The following HACD4 variants were observed in gnomAD, a reference collection of about 807,000 sequenced individuals.
The protein encoded by HACD4 is very-long-chain (3R)-3-hydroxyacyl-CoA dehydratase 4.
A neutral mutation model predicts 33.3 loss-of-function variants in HACD4; 35 were observed. That is an observed-to-expected ratio of 1.05 (90% CI 0.80 to 1.39). The LOEUF is 1.39. HACD4 is among the 40% of genes most tolerant of loss of function. The pLI, the probability that HACD4 is intolerant of heterozygous loss-of-function variation, is 0.00. For synonymous variants in HACD4, 118 were observed against 98.0 expected (o/e 1.20, Z -1.21); for missense variants, 323 against 276.5 (o/e 1.17, Z -1.19).
At chr9:21,016,443 A>C (rs1312573784) in intron 3 of HACD4, among the ~76,000 whole-genome samples, 2 of 152,206 alleles carry the variant, frequency 1.3e-5, no homozygotes, top group Non-Finnish European at 2.9e-5. Flanking sequence ...GGTGAGCGAG[A>C]TACTTTCTGC....
chr9:21,009,589 C>A (rs1341496096), intron 5 of HACD4, among the ~76,000 whole-genome samples: 1 of 152,052 alleles, frequency 6.6e-6, no homozygotes, highest in African/African-American at 2.4e-5. Context: ...ATATGAAGCA[C>A]AATGTGATAT....
intron 5 of HACD4, among the ~76,000 whole-genome samples, chr9:21,008,480 T>C (rs1424366049): frequency 6.6e-6 from 1 of 152,120 alleles, no homozygotes; most frequent in Non-Finnish European, 1.5e-5. Context: ...ACTTGGAAAA[T>C]GGTGCATATA....
At chr9:21,012,910 T>C (rs947317481) in intron 4 of HACD4, among the ~76,000 whole-genome samples, 7 of 151,968 alleles carry the variant, frequency 4.6e-5, no homozygotes, top group African/African-American at 1.7e-4. Context: ...ACACTAAAAA[T>C]ACAAAAATTA....
chr9:21,006,747 C>A lies in HACD4; in HGVS notation c.*290G>T. ...AGCTAATCTCCTATTTCTCATTAAA[C>A]TTACAGGAAAATAATCAGACTTCAT... On this transcript the variant is annotated 3_prime_UTR_variant, in exon 7 of 7. Coordinates refer to ENST00000495827, the MANE Select transcript of HACD4 (RefSeq NM_001010915.5). The surrounding 1 kb of genome is among the most constrained non-coding windows in gnomAD (Gnocchi z 4.6). The A allele has an allele frequency of 3.2e-6, 1 of 313,542 alleles. No individual in the cohort carries two copies. The highest frequency in any genetic ancestry group is 5.9e-6 in the Non-Finnish European group (1 of 169,086). The allele number at this position is 313,542 out of a possible 1,614,324, so 19.4% of individuals were successfully genotyped here. A position where few individuals can be genotyped will look rare whatever the true frequency, so the allele number is the denominator to read the frequency against.
chr9:21,020,107 T>G (rs1587834380), intron 3 of HACD4, among the ~76,000 whole-genome samples: 1 of 152,136 alleles, frequency 6.6e-6, no homozygotes. Flanking sequence ...TTATGTGATT[T>G]GGGCTCATAA....
Position 21,006,623 on chromosome 9 carries a change from C to T in HACD4, c.*414G>A. 9.0e-6 allele frequency: 2 copies of T among 223,160 alleles called. No individual in the cohort carries two copies. Among genetic ancestry groups the T allele is most frequent in the Non-Finnish European group, 1.8e-5 (2 of 113,740 alleles). The allele number at this position is 223,160 out of a possible 1,614,324, so 13.8% of individuals were successfully genotyped here. ...CAACTGTGGAATATATTTTCCATCC[C>T]TCTTCTCCTACAGATCTATTTGGGA... On this transcript the variant is annotated 3_prime_UTR_variant, in exon 7 of 7. Coordinates refer to ENST00000495827, the MANE Select transcript of HACD4 (RefSeq NM_001010915.5). The surrounding 1 kb of genome is among the most constrained non-coding windows in gnomAD (Gnocchi z 4.6).
In HACD4 at chr9:21,023,734, C is replaced by G. The variant is rs1249850698; in HGVS notation, c.270+2862G>C. ...GGATCACAGGCACGCGCCACCACGT[C>G]CAGCTAATTTTTTTGTATTTTTAGT... On this transcript the variant is annotated intron_variant, in intron 3 of 6. Transcript: ENST00000495827. Among the ~76,000 whole-genome samples, 8 of 152,130 alleles carry G rather than the reference C, an allele frequency of 5.3e-5. No individual in the cohort carries two copies. In the East Asian group the frequency reaches 1.3e-3, roughly 26 times the overall value.
In HACD4 at chr9:21,020,589, C is replaced by A. The variant is rs528390696; in HGVS notation, c.271-4579G>T. Among the ~76,000 whole-genome samples the A allele has an allele frequency of 1.1e-4, 17 of 152,226 alleles. No homozygotes were observed. The East Asian group carries it at 2.3e-3, about 21-fold the overall frequency. On this transcript the variant is annotated intron_variant, in intron 3 of 6. Transcript: ENST00000495827. ...TAGTTTTCCAATTCAACATTTTTTT[C>A]TAAGCTAATAAAGTTTGCAAGCTCA... is the stretch of plus-strand genomic sequence containing the variant.
At chr9:21,024,184 T>C (rs370555038) in intron 3 of HACD4, among the ~76,000 whole-genome samples, 2 of 152,232 alleles carry the variant, frequency 1.3e-5, no homozygotes, top group South Asian at 2.1e-4. Context: ...ACCATTTCCA[T>C]TGTGGGAACC....
chr9:21,021,962 C>A (rs1587836290), intron 3 of HACD4, among the ~76,000 whole-genome samples: 2 of 152,218 alleles, frequency 1.3e-5, no homozygotes, highest in African/African-American at 4.8e-5. Flanking sequence ...AGGCATCACG[C>A]TACCTGACTT....
chr9:21,002,667 C>T lies in HACD4; in HGVS notation c.*4370G>A, dbSNP rs1056462392. 2.0e-5 allele frequency: 3 copies of T among 152,060 alleles called. No individual in the cohort carries two copies. The highest frequency in any genetic ancestry group is 7.2e-5 in the African/African-American group (3 of 41,406). 9.4% of individuals were successfully genotyped at this position (152,060 alleles called of 1,614,324 possible). ...ATGGTTGCACAATATAAATTACTTA[C>T]TACTACTGAACTGCACACTTAAAAA... On this transcript the variant is annotated 3_prime_UTR_variant, in exon 7 of 7. Transcript: ENST00000495827.
At chr9:21,015,867 C>A (rs1423731640) in intron 4 of HACD4, 31 bp downstream of exon 4, 26 of 1,441,440 alleles carry the variant, frequency 1.8e-5, no homozygotes, top group Non-Finnish European at 2.2e-5. Flanking sequence ...GCAATTTAGC[C>A]TTGTTTTAAG....
intron 5 of HACD4, among the ~76,000 whole-genome samples, chr9:21,011,208 G>T (rs1842419891): frequency 6.6e-6 from 1 of 152,174 alleles, no homozygotes; most frequent in Non-Finnish European, 1.5e-5. Context: ...ATAGTAAATG[G>T]TAAGTGGGAA....
At chr9:21,030,404 T>G (rs921487359) in intron 1 of HACD4, among the ~76,000 whole-genome samples, 47 of 151,900 alleles carry the variant, frequency 3.1e-4, no homozygotes, top group Non-Finnish European at 5.7e-4. Context: ...ACAGCGCCAC[T>G]GCACTCCAGC....
rs1443561844 is a variant in HACD4 at position 21,000,370 on chromosome 9, A to G, written c.*6667T>C. The G allele has an allele frequency of 1.3e-5, 2 of 152,148 alleles. No individual in the cohort carries two copies. Among genetic ancestry groups the G allele is most frequent in the Admixed American group, 6.6e-5 (1 of 15,260 alleles). The allele number at this position is 152,148 out of a possible 1,614,324, so 9.4% of individuals were successfully genotyped here. ...GGCTTTTATATAAGTAGTTCTTTTT[A>G]GCAGTTTTCTTTCTGTCCAAAGCTG... On this transcript the variant is annotated 3_prime_UTR_variant, in exon 7 of 7. Coordinates refer to ENST00000495827, the MANE Select transcript of HACD4 (RefSeq NM_001010915.5).
In HACD4 at chr9:21,011,598, G is replaced by T; in HGVS notation, c.481C>A (p.Leu161Ile). Residue 161 changes from leucine to isoleucine, a missense_variant, in exon 5 of 7, where the codon CTT (leucine) becomes ATT (isoleucine). Leu to Ile is a conservative substitution (Grantham distance 5, BLOSUM62 2). Transcript: ENST00000495827. ...LWMPIYPLCV[L>I]AEAFAIYQSL... ...GTCACTCTTTTCTTACCTTCAGCAAGAACACACAAAGGATAAATTGGCATC... is the reference window on the plus strand; with the variant it reads ...GTCACTCTTTTCTTACCTTCAGCAATAACACACAAAGGATAAATTGGCATC... 6.3e-7 allele frequency: 1 copy of T among 1,598,934 alleles called. No homozygotes were observed. Among genetic ancestry groups the T allele is most frequent in the Non-Finnish European group, 8.6e-7 (1 of 1,166,560 alleles).
At chr9:21,013,187 CAA>C (rs948829729) in intron 4 of HACD4, among the ~76,000 whole-genome samples, 16 of 149,354 alleles carry the variant, frequency 1.1e-4, no homozygotes, top group African/African-American at 3.7e-4. Flanking sequence ...TATTTTTTTT[CAA>C]AGAGTTTCAT....
intron 1 of HACD4, 32 bp downstream of exon 1, chr9:21,031,521 C>G: frequency 6.9e-7 from 1 of 1,458,512 alleles, no homozygotes; most frequent in Non-Finnish European, 9.0e-7. Context: ...CACCCGCGCC[C>G]CCTCCCCTCG....
chr9:21,006,842 A>G lies in HACD4; in HGVS notation c.*195T>C. 2 of 576,530 alleles carry G rather than the reference A, an allele frequency of 3.5e-6. No individual in the cohort carries two copies. Among genetic ancestry groups the G allele is most frequent in the Non-Finnish European group, 6.2e-6 (2 of 321,598 alleles). The allele number at this position is 576,530 out of a possible 1,614,324, so 35.7% of individuals were successfully genotyped here. Reference sequence around the variant, plus strand: ...TTTGGTGAAGCAGGGTATGGAGAATATATATGTCTTAAAAATACAATGTGT... The same window carrying G: ...TTTGGTGAAGCAGGGTATGGAGAATGTATATGTCTTAAAAATACAATGTGT... On this transcript the variant is annotated 3_prime_UTR_variant, in exon 7 of 7. Transcript: ENST00000495827. This position sits in a 1 kb window ranked among gnomAD's most constrained non-coding sequence, Gnocchi z 4.6.
Sources: gnomAD v4.1 joint callset for allele counts (sites outside exome capture counted in the v4.1 genomes callset) on GRCh38, gnomAD v4.1.1 for gene constraint, Gnocchi (gnomAD v3.1) non-coding constraint, MANE v1.5 for transcripts, NCBI Gene and HGNC (gene_info 2026-07-23, HGNC 2026-07-21) for gene names.